Variants in MACF1 observed in about 807,000 individuals in gnomAD.
MACF1 encodes microtubule-actin cross-linking factor 1.
MACF1 carries 193 observed loss-of-function variants against 854.8 expected under a neutral mutation model. That is an observed-to-expected ratio of 0.23 (90% CI 0.20 to 0.25). The LOEUF is 0.25. Ranked by LOEUF, MACF1 falls within the 10% of genes least tolerant of loss-of-function variation. The pLI is 1.00. For missense variants in MACF1, 7,722 were observed against 8,929.1 expected (o/e 0.86, Z 5.45); for synonymous variants, 3,185 against 3,226.7 (o/e 0.99, Z 0.44).
chr1:39,150,141 C>A (rs1350634131), intron 2 of MACF1, among the ~76,000 whole-genome samples: 4 of 152,026 alleles, frequency 2.6e-5, no homozygotes, highest in African/African-American at 9.7e-5. Flanking sequence ...CCCCAGCTTC[C>A]CAAGTAGCTG....
At chr1:39,244,497 G>A (rs1339557226) in intron 2 of MACF1, among the ~76,000 whole-genome samples, 1 of 151,712 alleles carries the variant, frequency 6.6e-6, no homozygotes, top group Non-Finnish European at 1.5e-5. Flanking sequence ...TGGCCAGGCT[G>A]ATCTCGAACT....
In MACF1 at chr1:39,314,567, T is replaced by TCACA. The variant is rs761098207; in HGVS notation, c.3271-945_3271-944insACAC. 9.2e-3 allele frequency among the ~76,000 whole-genome samples: 1,060 copies of TCACA among 115,198 alleles called. 6 individuals are homozygous for TCACA. Among genetic ancestry groups the TCACA allele is most frequent in the Non-Finnish European group, 0.014 (732 of 54,032 alleles). The allele number at this position is 115,198 out of a possible 152,430, so 75.6% of individuals were successfully genotyped here. On this transcript the variant is annotated intron_variant, in intron 26 of 100. Coordinates refer to ENST00000564288, the MANE Select transcript of MACF1 (RefSeq NM_001394062.1). ...TTCTCTTTCTCTCTCTCTCTCTCTC[T>TCACA]CTCACACACACACACACACACACAC...
At chr1:39,316,949 T>C (rs1242901395) in intron 28 of MACF1, among the ~76,000 whole-genome samples, 2 of 152,254 alleles carry the variant, frequency 1.3e-5, no homozygotes, top group African/African-American at 4.8e-5. Context: ...TTTGGTTTCA[T>C]ATGTTATAAG....
chr1:39,268,003 A>G (rs888046927), intron 6 of MACF1, among the ~76,000 whole-genome samples: 2 of 152,192 alleles, frequency 1.3e-5, no homozygotes, highest in Non-Finnish European at 2.9e-5. Context: ...TTGTTTTCTG[A>G]CCTGAAAAAA....
chr1:39,338,442 C>G (rs1449818442), intron 38 of MACF1, among the ~76,000 whole-genome samples: 3 of 151,946 alleles, frequency 2.0e-5, no homozygotes, highest in African/African-American at 7.3e-5. Flanking sequence ...ACAGAACTCC[C>G]CAAAGCCTCA....
chr1:39,145,038 TC>T (rs903410671), intron 2 of MACF1, among the ~76,000 whole-genome samples: 1 of 152,222 alleles, frequency 6.6e-6, no homozygotes, highest in Non-Finnish European at 1.5e-5. Context: ...CTCTTTTTTT[TC>T]TTCCACGCCT....
At chr1:39,481,425 C>T (rs1471158974) in intron 99 of MACF1, among the ~76,000 whole-genome samples, 1 of 152,152 alleles carries the variant, frequency 6.6e-6, no homozygotes, top group African/African-American at 2.4e-5. Context: ...AATGTTCTGT[C>T]TTTGCTTAGA....
chr1:39,333,261 G>T lies in MACF1; in HGVS notation c.6673G>T (p.Asp2225Tyr). The change falls in exon 37 of 101, where the codon GAC (aspartate) becomes TAC (tyrosine). Residue 2225 changes from aspartate (D) to tyrosine (Y), a missense_variant. By Grantham distance (160) the Asp-to-Tyr change is radical. Around this residue, in one of 15 missense-constraint regions of MACF1, gnomAD observed 1,531 missense variants for 1,601.6 expected, o/e 0.96. Transcript: ENST00000564288. ...SETDGNVHPL[D>Y]KKEMLKKTFL... ...AACTGATGGGAATGTTCATCCTCTG[G>T]ACAAAAAGGAAATGTTAAAGAAAAC... The T allele has an allele frequency of 6.2e-7, 1 of 1,613,864 alleles. No homozygotes were observed. Among genetic ancestry groups the T allele is most frequent in the African/African-American group, 1.3e-5 (1 of 74,980 alleles).
chr1:39,199,187 G>A (rs1235039628), intron 2 of MACF1, among the ~76,000 whole-genome samples: 5 of 151,816 alleles, frequency 3.3e-5, no homozygotes, highest in African/African-American at 1.2e-4. Flanking sequence ...GGGTTTCACC[G>A]TGTTAGCCAG....
Position 39,340,540 on chromosome 1 carries a change from C to T in MACF1, c.10254C>T (p.Val3418=). 1 of 1,613,958 alleles carries T rather than the reference C, an allele frequency of 6.2e-7. No homozygotes were observed. Among genetic ancestry groups the T allele is most frequent in the Non-Finnish European group, 8.5e-7 (1 of 1,180,024 alleles). The part of the protein sequence containing the change: ...ERELKDLTTL[V]SQELECVNQI... The stretch of plus-strand genomic sequence containing the variant: ...AGTTAAAGGATCTGACCACCTTGGT[C>T]AGTCAGGAGCTGGAGTGTGTGAATC... Residue 3418 remains valine, a synonymous_variant, in exon 39 of 101, where the codon GTC becomes GTT. Transcript: ENST00000564288.
intron 2 of MACF1, among the ~76,000 whole-genome samples, chr1:39,240,420 A>G (rs1485785167): frequency 6.6e-6 from 1 of 152,100 alleles, no homozygotes; most frequent in Non-Finnish European, 1.5e-5. Flanking sequence ...ATATGGGCCT[A>G]TATTTGGACT....
intron 2 of MACF1, among the ~76,000 whole-genome samples, chr1:39,128,250 G>A (rs1377708408): frequency 6.6e-6 from 1 of 150,672 alleles, no homozygotes; most frequent in East Asian, 1.9e-4. Flanking sequence ...TTGCTACATT[G>A]CCCAGGCTAG....
Position 39,318,514 on chromosome 1 carries a change from CTCA to C in MACF1, c.3848_3850del (p.Ile1283del). 1 of 1,614,046 alleles carries C rather than the reference CTCA, an allele frequency of 6.2e-7. No individual in the cohort carries two copies. The highest frequency in any genetic ancestry group is 1.3e-5 in the African/African-American group (1 of 75,024). The stretch of plus-strand genomic sequence containing the variant: ...AGATTACCGAGCCTGCCATGGAACT[CTCA>C]TCAAGTGGATTGAGGAAACCACTGC... On this transcript the variant is annotated inframe_deletion, in exon 30 of 101. Transcript: ENST00000564288.
chr1:39,423,045 G>C, intron 60 of MACF1, 145 bp downstream of exon 60: 1 of 694,778 alleles, frequency 1.4e-6, no homozygotes, highest in Non-Finnish European at 2.4e-6. Context: ...GGTGGAAATT[G>C]ATTTTCATTA....
intron 33 of MACF1, 57 bp from the exon 34 acceptor site, chr1:39,324,133 AGTC>A (rs1180398481): frequency 6.7e-7 from 1 of 1,500,658 alleles, no homozygotes; most frequent in African/African-American, 1.4e-5. Context: ...GAAAATCTGA[AGTC>A]GTGCCAGCCT....
chr1:39,282,456 T>C lies in MACF1; in HGVS notation c.695+82T>C, dbSNP rs12089090. ...AATTAGTTATAATACTGTTTCCATC[T>C]CCTCAATCAAAAATCAAAGCTTTGA... On this transcript the variant is annotated intron_variant, in intron 7 of 100. Transcript: ENST00000564288. The C allele has an allele frequency of 6.3e-3, 8,401 of 1,341,418 alleles. 387 individuals are homozygous for C. In the African/African-American group the frequency reaches 0.11, roughly 17 times the overall value. 83.1% of individuals were successfully genotyped at this position (1,341,418 alleles called of 1,614,324 possible). A position where few individuals can be genotyped will look rare whatever the true frequency, so the allele number is the denominator to read the frequency against.
At chr1:39,118,741 G>A (rs1642608098) in intron 2 of MACF1, among the ~76,000 whole-genome samples, 1 of 152,060 alleles carries the variant, frequency 6.6e-6, no homozygotes, top group Non-Finnish European at 1.5e-5. Flanking sequence ...TGTGGTAAGA[G>A]GAAATAGGTT....
At chr1:39,117,533 GGTGTGTGTGTGTGTGTGTGT>G in intron 2 of MACF1, among the ~76,000 whole-genome samples, 1 of 147,726 alleles carries the variant, frequency 6.8e-6, no homozygotes, top group East Asian at 2.0e-4. Context: ...ACCTGCAAGA[GGTGTGTGTGTGTGTGTGTGT>G]GTGTGTGTGT....
intron 16 of MACF1, 92 bp from the exon 17 acceptor site, chr1:39,292,674 A>G (rs528992957): frequency 1.1e-5 from 10 of 876,180 alleles, no homozygotes; most frequent in East Asian, 7.9e-5. Flanking sequence ...CCATATCTCT[A>G]TCTAGACATA....
Sources: allele counts gnomAD v4.1 joint callset (sites outside exome capture counted in the v4.1 genomes callset), GRCh38; gene constraint gnomAD v4.1.1; regional missense constraint gnomAD v4.1.1; transcripts MANE v1.5; gene names NCBI Gene and HGNC (gene_info 2026-07-23, HGNC 2026-07-21).